The following CACNA1C variants were observed in gnomAD, a reference collection of about 807,000 sequenced individuals.
The protein encoded by CACNA1C is calcium voltage-gated channel subunit alpha1 C.
In CACNA1C, 30 loss-of-function variants were observed where a neutral mutation model predicts 229.0. That is an observed-to-expected ratio of 0.13 (90% CI 0.10 to 0.18). CACNA1C has a LOEUF of 0.18. Among genes scored for constraint, CACNA1C ranks in the 10% least tolerant of loss-of-function variants. CACNA1C has a pLI of 1.00. For synonymous variants in CACNA1C, 1,114 were observed against 1,132.5 expected (o/e 0.98, Z 0.33); for missense variants, 1,658 against 2,845.0 (o/e 0.58, Z 9.49).
intron 3 of CACNA1C, among the ~76,000 whole-genome samples, chr12:2,217,186 T>C (rs754638404): frequency 1.3e-4 from 20 of 152,224 alleles, no homozygotes; most frequent in Non-Finnish European, 2.6e-4. Flanking sequence ...ATTCCACTTA[T>C]GTGAGGTACC....
At chr12:2,291,580 T>G (rs1337501606) in intron 3 of CACNA1C, among the ~76,000 whole-genome samples, 1 of 152,152 alleles carries the variant, frequency 6.6e-6, no homozygotes, top group East Asian at 1.9e-4. Context: ...GTAAATATAG[T>G]TTTATTGAAA....
At chr12:2,662,914 TAAC>T (rs1300510414) in intron 34 of CACNA1C, among the ~76,000 whole-genome samples, 1 of 152,232 alleles carries the variant, frequency 6.6e-6, no homozygotes, top group African/African-American at 2.4e-5. Context: ...TAAATAGTAT[TAAC>T]AAAATGACTT....
chr12:2,436,147 A>G (rs529041224), intron 3 of CACNA1C, among the ~76,000 whole-genome samples: 1 of 152,336 alleles, frequency 6.6e-6, no homozygotes, highest in Non-Finnish European at 1.5e-5. Flanking sequence ...ATTTAAGCAG[A>G]GAAGCTGGGT....
At chr12:2,123,879 T>C (rs1291084249) in intron 3 of CACNA1C, among the ~76,000 whole-genome samples, 1 of 152,224 alleles carries the variant, frequency 6.6e-6, no homozygotes, top group Non-Finnish European at 1.5e-5. Flanking sequence ...ACCTACCTCA[T>C]AGGGTTGTTG....
At chr12:2,537,900 G>T (rs1215500682) in intron 9 of CACNA1C, among the ~76,000 whole-genome samples, 2 of 151,950 alleles carry the variant, frequency 1.3e-5, no homozygotes, top group Non-Finnish European at 2.9e-5. Flanking sequence ...TGGGGTGGGG[G>T]TGGGAGAGGG....
chr12:2,171,604 C>T lies in CACNA1C; in HGVS notation c.477+51174C>T, dbSNP rs532161393. On this transcript the variant is annotated intron_variant, in intron 3 of 46. Transcript: ENST00000399655. ...CCCTTCTTCGTTTTCTCCCTCTCTT[C>T]CTTTTCCCCACAAATATTTTCTGAG... Among the ~76,000 whole-genome samples the T allele has an allele frequency of 4.3e-4, 66 of 152,326 alleles. 2 individuals are homozygous for T. The Middle Eastern group carries it at 0.01, about 24-fold the overall frequency.
At position 2,098,361 on chromosome 12, in the gene CACNA1C, G is replaced by A. The variant is rs576318166; in HGVS notation, c.50-16863G>A. On this transcript the variant is annotated intron_variant, in intron 1 of 46. Transcript: ENST00000399655. ...AGCATTGTTATTAAACGGCCTGTGA[G>A]TGTGTAGAAATAAGCTGATGCTGTT... 2.0e-5 allele frequency among the ~76,000 whole-genome samples: 3 copies of A among 152,354 alleles called. No homozygotes were observed. The South Asian group carries it at 6.2e-4, about 32-fold the overall frequency.
chr12:2,581,812 C>G lies in CACNA1C; in HGVS notation c.2103+15C>G. Reference sequence around the variant, plus strand: ...CTGTGTTTCAGGTATGGACTCTTCTCTGCTGGGATTCGGACTCGGGGTGGT... The same window carrying G: ...CTGTGTTTCAGGTATGGACTCTTCTGTGCTGGGATTCGGACTCGGGGTGGT... On this transcript the variant is annotated intron_variant, in intron 14 of 46. Coordinates refer to ENST00000399655, the MANE Select transcript of CACNA1C (RefSeq NM_000719.7). 6.6e-7 allele frequency: 1 copy of G among 1,522,196 alleles called. No homozygotes were observed. The highest frequency in any genetic ancestry group is 9.1e-7 in the Non-Finnish European group (1 of 1,098,244). The allele number at this position is 1,522,196 out of a possible 1,614,324, so 94.3% of individuals were successfully genotyped here.
chr12:2,020,415 C>A, intron 1 of CACNA1C: 1 of 152,328 alleles, frequency 6.6e-6, no homozygotes, highest in Middle Eastern at 3.4e-3. Flanking sequence ...GCCTTGCACC[C>A]TTAGCTCTGG....
At chr12:2,245,730 G>T (rs1224146176) in intron 3 of CACNA1C, among the ~76,000 whole-genome samples, 1 of 152,132 alleles carries the variant, frequency 6.6e-6, no homozygotes, top group Non-Finnish European at 1.5e-5. Flanking sequence ...TTCATCTGGG[G>T]CAGAGTTGTC....
intron 16 of CACNA1C, 24 bp downstream of exon 16, chr12:2,584,641 C>T (rs1415714924): frequency 6.7e-7 from 1 of 1,489,288 alleles, no homozygotes; most frequent in African/African-American, 1.4e-5. Context: ...CTTGCCCAGG[C>T]CTGGGGCTCC....
chr12:2,322,075 A>T (rs1405357374), intron 3 of CACNA1C, among the ~76,000 whole-genome samples: 1 of 152,194 alleles, frequency 6.6e-6, no homozygotes, highest in Non-Finnish European at 1.5e-5. Flanking sequence ...ATTATTAAGA[A>T]ATCGATTTAA....
Position 2,152,969 on chromosome 12 carries a change from G to C in CACNA1C, c.477+32539G>C, listed in dbSNP as rs889474922. Among the ~76,000 whole-genome samples, 1 of 152,168 alleles carries C rather than the reference G, an allele frequency of 6.6e-6. No individual in the cohort carries two copies. Among genetic ancestry groups the C allele is most frequent in the Non-Finnish European group, 1.5e-5 (1 of 68,030 alleles). ...GGCAGAAAAATTAAAATTGGGAGGT[G>C]AAAGCTCAAGGAGGTAGTTACAAAG... On this transcript the variant is annotated intron_variant, in intron 3 of 46. Transcript: ENST00000399655. The surrounding 1 kb of genome is among the most constrained non-coding windows in gnomAD (Gnocchi z 4.2).
intron 3 of CACNA1C, 39 bp downstream of exon 3, chr12:2,120,469 A>T: frequency 9.0e-7 from 1 of 1,106,730 alleles, no homozygotes; most frequent in East Asian, 2.4e-5. Flanking sequence ...TTTTCACTCG[A>T]TGGAGAACTG....
chr12:2,277,935 C>T (rs923533743), intron 3 of CACNA1C, among the ~76,000 whole-genome samples: 5 of 152,250 alleles, frequency 3.3e-5, no homozygotes, highest in African/African-American at 1.2e-4. Context: ...TCCAGTCTCA[C>T]TCATCGTGCT....
chr12:2,221,005 A>C (rs1392119466), intron 3 of CACNA1C, among the ~76,000 whole-genome samples: 3 of 152,228 alleles, frequency 2.0e-5, no homozygotes, highest in Non-Finnish European at 4.4e-5. Context: ...GGTGGGGGTT[A>C]CTTTAAGCTG....
chr12:2,210,116 G>A (rs1288729882), intron 3 of CACNA1C, among the ~76,000 whole-genome samples: 1 of 152,210 alleles, frequency 6.6e-6, no homozygotes, highest in Admixed American at 6.5e-5. Flanking sequence ...GAAAACAAAT[G>A]TATCTGTTGC....
intron 3 of CACNA1C, among the ~76,000 whole-genome samples, chr12:2,307,215 G>A (rs2095106429): frequency 6.6e-6 from 1 of 152,164 alleles, no homozygotes; most frequent in Non-Finnish European, 1.5e-5. Context: ...GTGTTCTTTG[G>A]TCCTCTGGGA....
At chr12:2,447,571 G>A (rs553986750) in intron 3 of CACNA1C, among the ~76,000 whole-genome samples, 2 of 151,962 alleles carry the variant, frequency 1.3e-5, no homozygotes, top group African/African-American at 4.8e-5. Flanking sequence ...TCCTCAAACT[G>A]CTTCACAGTG....
Sources: gnomAD v4.1 joint callset for allele counts (sites outside exome capture counted in the v4.1 genomes callset) on GRCh38, gnomAD v4.1.1 for gene constraint, Gnocchi (gnomAD v3.1) non-coding constraint, MANE v1.5 for transcripts, NCBI Gene and HGNC (gene_info 2026-07-23, HGNC 2026-07-21) for gene names.